SPA17: variants seen among roughly 807,000 people sequenced by gnomAD.
SPA17 encodes the protein sperm surface protein Sp17.
Under a neutral mutation model 13.8 loss-of-function variants are expected in SPA17, and 7 were observed. That is an observed-to-expected ratio of 0.51 (90% CI 0.29 to 0.95). The LOEUF is 0.95. Among genes scored for constraint, SPA17 ranks in the 40% least tolerant of loss-of-function variants. SPA17 has a pLI of 0.08. For synonymous variants in SPA17, 61 were observed against 59.0 expected (o/e 1.03, Z -0.16); for missense variants, 170 against 179.3 (o/e 0.95, Z 0.30).
At chr11:124,687,322 A>G (rs1367088978) in intron 3 of SPA17, among the ~76,000 whole-genome samples, 1 of 152,100 alleles carries the variant, frequency 6.6e-6, no homozygotes, top group Non-Finnish European at 1.5e-5. Context: ...CCACCAAAAA[A>G]AAAGCCCAGG....
chr11:124,692,130 C>G (rs938735888), intron 4 of SPA17, among the ~76,000 whole-genome samples: 5 of 152,180 alleles, frequency 3.3e-5, no homozygotes, highest in African/African-American at 1.2e-4. Context: ...GCTGTCACCA[C>G]TACACAATGG....
At chr11:124,686,127 T>C (rs1186509405) in intron 3 of SPA17, among the ~76,000 whole-genome samples, 1 of 147,194 alleles carries the variant, frequency 6.8e-6, no homozygotes, top group East Asian at 2.0e-4. Flanking sequence ...TCATCTTGAA[T>C]TGTAGTTCTC....
chr11:124,681,580 A>C (rs1943530981), intron 3 of SPA17, 121 bp downstream of exon 3: 1 of 378,364 alleles, frequency 2.6e-6, no homozygotes, highest in African/African-American at 2.1e-5. Context: ...TAACTTATTA[A>C]ATCTTATTAA....
intron 3 of SPA17, among the ~76,000 whole-genome samples, chr11:124,684,013 T>A (rs1943552944): frequency 6.6e-6 from 1 of 152,048 alleles, no homozygotes; most frequent in African/African-American, 2.4e-5. Context: ...AATCCCCACA[T>A]GTTGTGGGAG....
chr11:124,686,190 T>TGGA (rs1943576269), intron 3 of SPA17, among the ~76,000 whole-genome samples: 1 of 74,862 alleles, frequency 1.3e-5, no homozygotes, highest in African/African-American at 5.8e-5. Flanking sequence ...GAATCATGGG[T>TGGA]GGGGGGGGGG....
chr11:124,688,292 C>T (rs1222147167), intron 3 of SPA17, among the ~76,000 whole-genome samples: 4 of 152,216 alleles, frequency 2.6e-5, no homozygotes, highest in Non-Finnish European at 5.9e-5. Flanking sequence ...GGATTACAGG[C>T]ATGCATCACC....
At chr11:124,694,092 A>G (rs1021048993) in intron 4 of SPA17, among the ~76,000 whole-genome samples, 4 of 152,356 alleles carry the variant, frequency 2.6e-5, no homozygotes, top group Middle Eastern at 3.4e-3. Flanking sequence ...TTGCAGAGAC[A>G]TATTAAAAGA....
chr11:124,677,257 C>A (rs1943477578), intron 2 of SPA17, among the ~76,000 whole-genome samples: 1 of 152,060 alleles, frequency 6.6e-6, no homozygotes, highest in Non-Finnish European at 1.5e-5. Flanking sequence ...GGAAAAAAAA[C>A]AATCATTATG....
rs201520224 is a variant in SPA17 at position 124,694,373 on chromosome 11, A to G, written c.383A>G (p.His128Arg). Residue 128 changes from histidine (H) to arginine (R), a missense_variant, in exon 5 of 5, where the codon CAC becomes CGC. By Grantham distance (29) the His-to-Arg change is conservative. Coordinates refer to ENST00000227135, the MANE Select transcript of SPA17 (RefSeq NM_017425.4). ...AVKIQAAFRGHIAREEAKKMK... is the reference protein window; with the variant it reads ...AVKIQAAFRGRIAREEAKKMK... Reference sequence around the variant, plus strand: ...AAAATCCAAGCTGCCTTCCGGGGACACATAGCCAGAGAGGAGGCAAAGAAA... The same window carrying G: ...AAAATCCAAGCTGCCTTCCGGGGACGCATAGCCAGAGAGGAGGCAAAGAAA... The G allele has an allele frequency of 6.2e-7, 1 of 1,614,100 alleles. No homozygotes were observed. The highest frequency in any genetic ancestry group is 8.5e-7 in the Non-Finnish European group (1 of 1,180,004).
chr11:124,685,540 T>C (rs1943570294), intron 3 of SPA17, among the ~76,000 whole-genome samples: 1 of 152,138 alleles, frequency 6.6e-6, no homozygotes, highest in South Asian at 2.1e-4. Context: ...CACTGCCTGG[T>C]GGAGCTGTAA....
chr11:124,678,590 C>T (rs569708009), intron 2 of SPA17, among the ~76,000 whole-genome samples: 1 of 151,966 alleles, frequency 6.6e-6, no homozygotes, highest in African/African-American at 2.4e-5. Context: ...CTGGCTCTGT[C>T]GCCCAGGCTG....
intron 3 of SPA17, among the ~76,000 whole-genome samples, chr11:124,690,121 CA>C (rs886929830): frequency 2.0e-5 from 3 of 152,128 alleles, no homozygotes; most frequent in African/African-American, 7.2e-5. Context: ...GGTATCTACC[CA>C]AGGGAAAATA....
In SPA17 at chr11:124,677,544, A is replaced by T. The variant is rs538336313; in HGVS notation, c.154+2126A>T. ...GAAACCATACAGATACTAGAAGAAAATATGGATGAATTTCTCTATAAGAGA... is the reference window on the plus strand; with the variant it reads ...GAAACCATACAGATACTAGAAGAAATTATGGATGAATTTCTCTATAAGAGA... On this transcript the variant is annotated intron_variant, in intron 2 of 4. Transcript: ENST00000227135. Among the ~76,000 whole-genome samples the T allele has an allele frequency of 1.4e-3, 207 of 152,338 alleles. 3 individuals are homozygous for T. The highest frequency in any genetic ancestry group is 4.0e-4 in the Non-Finnish European group (27 of 68,026).
chr11:124,684,956 A>G (rs1943564237), intron 3 of SPA17, among the ~76,000 whole-genome samples: 1 of 152,234 alleles, frequency 6.6e-6, no homozygotes, highest in South Asian at 2.1e-4. Flanking sequence ...GAGGAAGCAG[A>G]TCATAAAAGT....
At chr11:124,679,065 A>G (rs986601948) in intron 2 of SPA17, among the ~76,000 whole-genome samples, 7 of 151,272 alleles carry the variant, frequency 4.6e-5, no homozygotes, top group African/African-American at 1.7e-4. Flanking sequence ...TGAACCCAGG[A>G]GGCGGAAGTT....
At chr11:124,683,420 G>C (rs1009486141) in intron 3 of SPA17, among the ~76,000 whole-genome samples, 1 of 150,616 alleles carries the variant, frequency 6.6e-6, no homozygotes, top group Non-Finnish European at 1.5e-5. Context: ...AAAATAACCA[G>C]AAAGCAATTA....
In SPA17 at chr11:124,684,579, G is replaced by C. The variant is rs1353371790; in HGVS notation, c.225+3120G>C. 3.3e-5 allele frequency among the ~76,000 whole-genome samples: 5 copies of C among 152,220 alleles called. No individual in the cohort carries two copies. In the East Asian group the frequency reaches 9.6e-4, roughly 29 times the overall value. ...ATGCAGTAAATTGGTACTGCAGAGA[G>C]TGAGACACTGCTGTAAAGATACCCA... On this transcript the variant is annotated intron_variant, in intron 3 of 4. Coordinates refer to ENST00000227135, the MANE Select transcript of SPA17 (RefSeq NM_017425.4).
At chr11:124,687,251 G>C (rs1208519426) in intron 3 of SPA17, among the ~76,000 whole-genome samples, 4 of 151,978 alleles carry the variant, frequency 2.6e-5, no homozygotes, top group Non-Finnish European at 5.9e-5. Flanking sequence ...TAGAAAACCT[G>C]AACAGACTAA....
intron 2 of SPA17, 107 bp downstream of exon 2, chr11:124,675,525 C>A: frequency 1.7e-6 from 2 of 1,181,916 alleles, no homozygotes; most frequent in Non-Finnish European, 2.4e-6. Context: ...TTTTATGAGG[C>A]AGGGAGTTTC....
Sources: gnomAD v4.1 joint callset for allele counts (sites outside exome capture counted in the v4.1 genomes callset) on GRCh38, gnomAD v4.1.1 for gene constraint, MANE v1.5 for transcripts, NCBI Gene and HGNC (gene_info 2026-07-23, HGNC 2026-07-21) for gene names.